The following WWOX variants were observed in gnomAD, a reference collection of about 807,000 sequenced individuals.
WWOX encodes the protein WW domain-containing oxidoreductase.
In WWOX, 69 loss-of-function variants were observed where a neutral mutation model predicts 46.2. The observed-to-expected ratio is 1.49, with a 90% confidence interval of 1.23 to 1.82. The LOEUF (loss-of-function observed/expected upper bound fraction) is 1.82, where lower values mean the gene tolerates loss of function less well. Ranked by LOEUF, WWOX falls within the 40% of genes most tolerant of loss-of-function variation. The pLI, the probability that WWOX is intolerant of heterozygous loss-of-function variation, is 0.00. For missense variants in WWOX, 919 were observed against 542.6 expected, an observed-to-expected ratio of 1.69 and a Z score of -6.89; for synonymous variants, 359 against 202.6, an observed-to-expected ratio of 1.77 and a Z score of -6.56.
chr16:78,971,053 G>A (rs1248803811), intron 8 of WWOX, among the ~76,000 whole-genome samples: 1 of 151,186 alleles, frequency 6.6e-6, no homozygotes, highest in Non-Finnish European at 1.5e-5. Flanking sequence ...GTTTCCCAGG[G>A]TGTATATATA....
chr16:78,649,487 G>T (rs1204436421), intron 8 of WWOX, among the ~76,000 whole-genome samples: 1 of 152,028 alleles, frequency 6.6e-6, no homozygotes, highest in Non-Finnish European at 1.5e-5. Context: ...CTGTTGCCCA[G>T]GCTGGTGTTG....
At chr16:78,331,623 C>G (rs1567506173) in intron 5 of WWOX, among the ~76,000 whole-genome samples, 1 of 151,388 alleles carries the variant, frequency 6.6e-6, no homozygotes, top group African/African-American at 2.5e-5. Flanking sequence ...GAGTAATCCT[C>G]CCTATCCTTG....
intron 8 of WWOX, among the ~76,000 whole-genome samples, chr16:78,837,779 C>T (rs911983769): frequency 1.1e-4 from 17 of 152,200 alleles, no homozygotes; most frequent in African/African-American, 3.6e-4. Flanking sequence ...ATCTATACTT[C>T]CTAGATTTGG....
At chr16:78,706,167 G>A (rs759812319) in intron 8 of WWOX, among the ~76,000 whole-genome samples, 139 of 144,280 alleles carry the variant, frequency 9.6e-4, no homozygotes, top group Admixed American at 1.8e-3. Flanking sequence ...ATCTTATCAA[G>A]CCCCCTATTT....
At chr16:78,542,809 T>A (rs2043930159) in intron 8 of WWOX, among the ~76,000 whole-genome samples, 1 of 152,232 alleles carries the variant, frequency 6.6e-6, no homozygotes, top group Non-Finnish European at 1.5e-5. Context: ...TTCCTTTCTT[T>A]CTTTCTTAAT....
intron 8 of WWOX, among the ~76,000 whole-genome samples, chr16:78,720,184 G>A (rs1302416451): frequency 6.6e-6 from 1 of 152,058 alleles, no homozygotes; most frequent in Non-Finnish European, 1.5e-5. Flanking sequence ...AAATTGATGT[G>A]CTTCTTTTAG....
chr16:78,485,546 A>G (rs1420298552), intron 8 of WWOX, among the ~76,000 whole-genome samples: 1 of 152,220 alleles, frequency 6.6e-6, no homozygotes, highest in Non-Finnish European at 1.5e-5. Flanking sequence ...ATTCCACAAC[A>G]TACTAAATTA....
rs369778880 is a variant in WWOX at position 79,103,887 on chromosome 16, G to A, written c.1057-107721G>A. On this transcript the variant is annotated intron_variant, in intron 8 of 8. Transcript: ENST00000566780. ...AGATACACTCTGTAGGACAAACCAG[G>A]TGGCTCTGTCCTTCAGGCAAAGAGC... is the stretch of plus-strand genomic sequence containing the variant. 2.6e-5 allele frequency among the ~76,000 whole-genome samples: 4 copies of A among 152,188 alleles called. No homozygotes were observed. In the East Asian group the frequency reaches 7.7e-4, roughly 29 times the overall value.
chr16:78,938,923 A>T (rs1302621037), intron 8 of WWOX, among the ~76,000 whole-genome samples: 3 of 152,174 alleles, frequency 2.0e-5, no homozygotes, highest in Non-Finnish European at 4.4e-5. Flanking sequence ...AGTCAGGGGG[A>T]ATGCTGGCTT....
intron 8 of WWOX, among the ~76,000 whole-genome samples, chr16:79,122,406 A>G (rs1411595351): frequency 1.3e-5 from 2 of 152,142 alleles, no homozygotes; most frequent in Non-Finnish European, 2.9e-5. Context: ...GAACGGAGAA[A>G]AGGAGTGTGG....
chr16:78,726,071 T>TTCCCTCCCTCCCTCTTCCGCCCTCCC (rs2048824833), intron 8 of WWOX, among the ~76,000 whole-genome samples: 1 of 96,560 alleles, frequency 1.0e-5, no homozygotes, highest in African/African-American at 3.7e-5. Flanking sequence ...CCTGCTTCCC[T>TTCCCTCCCTCCCTCTTCCGCCCTCCC]TCCCTCCCTC....
intron 5 of WWOX, among the ~76,000 whole-genome samples, chr16:78,213,505 C>T (rs764573350): frequency 2.6e-5 from 4 of 151,846 alleles, no homozygotes; most frequent in Non-Finnish European, 4.4e-5. Context: ...TACTTATGAG[C>T]AGCGCTCACA....
intron 8 of WWOX, among the ~76,000 whole-genome samples, chr16:78,649,336 T>C (rs1187682958): frequency 1.3e-5 from 2 of 151,920 alleles, no homozygotes; most frequent in South Asian, 2.1e-4. Flanking sequence ...CAGATTGGAG[T>C]GCAGTGGTGC....
At chr16:79,137,084 G>T (rs1309322382) in intron 8 of WWOX, among the ~76,000 whole-genome samples, 1 of 152,118 alleles carries the variant, frequency 6.6e-6, no homozygotes, top group Non-Finnish European at 1.5e-5. Context: ...GCTAATTCCG[G>T]TTTCATTAAT....
chr16:78,713,461 G>A (rs973266471), intron 8 of WWOX, among the ~76,000 whole-genome samples: 14 of 151,952 alleles, frequency 9.2e-5, no homozygotes, highest in Non-Finnish European at 1.8e-4. Flanking sequence ...ATGTGATGAA[G>A]CCCTAATTCA....
intron 8 of WWOX, among the ~76,000 whole-genome samples, chr16:78,754,358 C>T (rs1179315022): frequency 6.6e-6 from 1 of 151,996 alleles, no homozygotes; most frequent in Non-Finnish European, 1.5e-5. Context: ...TTAGTATGTA[C>T]CTGTGTCTTA....
intron 8 of WWOX, among the ~76,000 whole-genome samples, chr16:79,140,210 G>C (rs539627555): frequency 6.6e-6 from 1 of 152,160 alleles, no homozygotes; most frequent in Non-Finnish European, 1.5e-5. Context: ...ATTCTAACTC[G>C]TGGCTAAACC....
At chr16:78,819,439 A>G (rs551678854) in intron 8 of WWOX, among the ~76,000 whole-genome samples, 24 of 152,364 alleles carry the variant, frequency 1.6e-4, no homozygotes, top group African/African-American at 5.8e-4. Flanking sequence ...CCTTTCCATG[A>G]CAATGACCCA....
At chr16:78,952,134 C>G (rs1041531243) in intron 8 of WWOX, among the ~76,000 whole-genome samples, 3 of 151,956 alleles carry the variant, frequency 2.0e-5, no homozygotes, top group African/African-American at 7.2e-5. Context: ...TCACTGTTAT[C>G]ATTGTAACCC....
Sources: gnomAD v4.1 joint callset for allele counts (sites outside exome capture counted in the v4.1 genomes callset) on GRCh38, gnomAD v4.1.1 for gene constraint, MANE v1.5 for transcripts, NCBI Gene and HGNC (gene_info 2026-07-23, HGNC 2026-07-21) for gene names.